The following TBC1D5 variants were observed in gnomAD, a reference collection of about 807,000 sequenced individuals.
TBC1D5 encodes the protein TBC1 domain family member 5, also known as TBC1 domain family, member 5.
Under a neutral mutation model 100.3 loss-of-function variants are expected in TBC1D5, and 75 were observed. That is an observed-to-expected ratio of 0.75 (90% CI 0.62 to 0.91). The LOEUF (loss-of-function observed/expected upper bound fraction) is 0.91, where lower values mean the gene tolerates loss of function less well. Among genes scored for constraint, TBC1D5 ranks in the 40% least tolerant of loss-of-function variants. The pLI, the probability that TBC1D5 is intolerant of heterozygous loss-of-function variation, is 0.00. For synonymous variants in TBC1D5, 323 were observed against 325.6 expected (o/e 0.99, Z 0.09); for missense variants, 910 against 942.4 (o/e 0.97, Z 0.45).
At chr3:17,161,474 A>G (rs1179149590) in intron 21 of TBC1D5, among the ~76,000 whole-genome samples, 1 of 152,220 alleles carries the variant, frequency 6.6e-6, no homozygotes, top group African/African-American at 2.4e-5. Flanking sequence ...CTGAAGCCAA[A>G]TGCTGGCTTC....
chr3:17,187,288 A>C (rs2069252739), intron 18 of TBC1D5, among the ~76,000 whole-genome samples: 1 of 152,148 alleles, frequency 6.6e-6, no homozygotes, highest in Non-Finnish European at 1.5e-5. Flanking sequence ...TCAAACTTCT[A>C]ATTTTGAGCT....
chr3:17,171,058 C>A (rs556021387), intron 19 of TBC1D5, among the ~76,000 whole-genome samples: 1 of 152,132 alleles, frequency 6.6e-6, no homozygotes, highest in Admixed American at 6.5e-5. Context: ...GCCCGAAAAA[C>A]CTGTGAACCA....
intron 18 of TBC1D5, among the ~76,000 whole-genome samples, chr3:17,199,747 G>C (rs2071214704): frequency 6.6e-6 from 1 of 152,200 alleles, no homozygotes. Context: ...AAAAGGTGAT[G>C]ATGATCAAGA....
intron 16 of TBC1D5, among the ~76,000 whole-genome samples, chr3:17,240,221 T>C (rs568524621): frequency 2.0e-5 from 3 of 152,306 alleles, no homozygotes; most frequent in South Asian, 2.1e-4. Context: ...GGGCTAGGTA[T>C]TAGAGACTTA....
At chr3:17,515,139 G>A (rs2095966962) in intron 2 of TBC1D5, among the ~76,000 whole-genome samples, 1 of 151,970 alleles carries the variant, frequency 6.6e-6, no homozygotes, top group South Asian at 2.1e-4. Context: ...ATAAGAAAAA[G>A]GAACAAATGG....
chr3:17,725,805 T>C (rs2076076765), intron 1 of TBC1D5, among the ~76,000 whole-genome samples: 1 of 152,166 alleles, frequency 6.6e-6, no homozygotes, highest in South Asian at 2.1e-4. Flanking sequence ...GATTATTTCA[T>C]CACCTAGGCA....
At chr3:17,486,466 T>G (rs908254573) in intron 3 of TBC1D5, among the ~76,000 whole-genome samples, 2 of 152,164 alleles carry the variant, frequency 1.3e-5, no homozygotes, top group African/African-American at 4.8e-5. Context: ...GTTTTGATGG[T>G]TTTAGGTCTA....
chr3:17,573,152 C>G (rs2153513435), intron 2 of TBC1D5, among the ~76,000 whole-genome samples: 1 of 152,144 alleles, frequency 6.6e-6, no homozygotes, highest in South Asian at 2.1e-4. Flanking sequence ...TCAAACCGCT[C>G]CTCTTGTATT....
At chr3:17,451,927 G>GA (rs1400270630) in intron 3 of TBC1D5, among the ~76,000 whole-genome samples, 1 of 151,222 alleles carries the variant, frequency 6.6e-6, no homozygotes, top group African/African-American at 2.4e-5. Flanking sequence ...CGTCAAAAAA[G>GA]AAAAAAAATT....
chr3:17,272,012 A>G (rs2079479486), intron 15 of TBC1D5, among the ~76,000 whole-genome samples: 1 of 152,206 alleles, frequency 6.6e-6, no homozygotes, highest in South Asian at 2.1e-4. Flanking sequence ...AGGGAACCTC[A>G]TCAGAAGAAG....
intron 15 of TBC1D5, among the ~76,000 whole-genome samples, chr3:17,264,350 G>A (rs1033335546): frequency 2.0e-5 from 3 of 152,086 alleles, no homozygotes; most frequent in South Asian, 2.1e-4. Flanking sequence ...TTTACTCCAA[G>A]GTGGTATCTC....
chr3:17,428,759 A>G (rs1432186170), intron 3 of TBC1D5, among the ~76,000 whole-genome samples: 1 of 152,018 alleles, frequency 6.6e-6, no homozygotes, highest in Non-Finnish European at 1.5e-5. Flanking sequence ...TATCAGGAAC[A>G]AATGAGGCAC....
chr3:17,251,956 T>C (rs1176954953), intron 16 of TBC1D5, among the ~76,000 whole-genome samples: 1 of 152,226 alleles, frequency 6.6e-6, no homozygotes, highest in East Asian at 1.9e-4. Flanking sequence ...ACTGAAATGC[T>C]CAATTGAATA....
rs187126163 is a variant in TBC1D5 at position 17,432,686 on chromosome 3, C to T, written c.98-4167G>A. On this transcript the variant is annotated intron_variant, in intron 3 of 21. Transcript: ENST00000253692. The stretch of plus-strand genomic sequence containing the variant: ...AAATCTGTATTGTAGATAATGAAAA[C>T]TCAAACGTAAAATAGAAATTCATAA... Among the ~76,000 whole-genome samples, 161 of 152,190 alleles carry T rather than the reference C, an allele frequency of 1.1e-3. 2 individuals are homozygous for T. The South Asian group carries it at 0.018, about 17-fold the overall frequency.
At chr3:17,604,521 T>C (rs2061208870) in intron 2 of TBC1D5, among the ~76,000 whole-genome samples, 1 of 152,208 alleles carries the variant, frequency 6.6e-6, no homozygotes, top group Non-Finnish European at 1.5e-5. Flanking sequence ...AAAGCCTAAC[T>C]TCCAAAATTA....
At chr3:17,662,274 T>C (rs566883076) in intron 1 of TBC1D5, among the ~76,000 whole-genome samples, 1 of 152,328 alleles carries the variant, frequency 6.6e-6, no homozygotes, top group African/African-American at 2.4e-5. Context: ...TCAGATCCTA[T>C]CACAGACATT....
chr3:17,334,675 T>C (rs1485285915), intron 13 of TBC1D5, among the ~76,000 whole-genome samples: 2 of 152,150 alleles, frequency 1.3e-5, no homozygotes, highest in African/African-American at 2.4e-5. Flanking sequence ...CAAATACACC[T>C]TTCTCATTCT....
At chr3:17,417,196 T>A (rs4035124) in intron 4 of TBC1D5, among the ~76,000 whole-genome samples, 16,807 of 152,116 alleles carry the variant, frequency 0.11, 1,097 homozygotes, top group African/African-American at 0.18. Flanking sequence ...TATTATTTTT[T>A]AATTATTATT....
intron 1 of TBC1D5, among the ~76,000 whole-genome samples, chr3:17,694,438 T>A (rs1008645039): frequency 1.3e-5 from 2 of 152,178 alleles, no homozygotes; most frequent in African/African-American, 4.8e-5. Flanking sequence ...GCATGAGAAC[T>A]ACGCAACGCA....
Sources: gnomAD v4.1 joint callset for allele counts (sites outside exome capture counted in the v4.1 genomes callset) on GRCh38, gnomAD v4.1.1 for gene constraint, MANE v1.5 for transcripts, NCBI Gene and HGNC (gene_info 2026-07-23, HGNC 2026-07-21) for gene names.